TRAK2: variants seen among roughly 807,000 people sequenced by gnomAD.
The protein encoded by TRAK2 is trafficking kinesin-binding protein 2.
A neutral mutation model predicts 104.6 loss-of-function variants in TRAK2; 81 were observed. The observed-to-expected ratio is 0.77, with a 90% CI of 0.65 to 0.93. The LOEUF (loss-of-function observed/expected upper bound fraction) is 0.93, where lower values mean the gene tolerates loss of function less well. Among genes scored for constraint, TRAK2 ranks in the 40% least tolerant of loss-of-function variants. The pLI is 0.00. For synonymous variants in TRAK2, 406 were observed against 394.4 expected, an observed-to-expected ratio of 1.03 and a Z score of -0.35; for missense variants, 1,002 against 1,089.0, an observed-to-expected ratio of 0.92 and a Z score of 1.12.
intron 1 of TRAK2, among the ~76,000 whole-genome samples, chr2:201,433,945 C>T (rs1375790476): frequency 6.6e-6 from 1 of 151,924 alleles, no homozygotes; most frequent in Non-Finnish European, 1.5e-5. Context: ...CATCATGGGA[C>T]TGCCCTTCAT....
At chr2:201,395,913 T>C (rs1951497071) in intron 7 of TRAK2, among the ~76,000 whole-genome samples, 1 of 152,182 alleles carries the variant, frequency 6.6e-6, no homozygotes. Context: ...TCACAATCTA[T>C]AACAGAATGT....
rs547580910 is a variant in TRAK2, at chr2:201,413,502, A to G, written c.92-5905T>C. Among the ~76,000 whole-genome samples the G allele has an allele frequency of 3.3e-5, 5 of 152,124 alleles. No homozygotes were observed. In the South Asian group the frequency reaches 1.0e-3, roughly 32 times the overall value. ...ACTAAGGGAGGGGGGAAAAGACTGA[A>G]AGACCTATTGTCAGCTATTTTTATT... On this transcript the variant is annotated intron_variant, in intron 2 of 15. Coordinates refer to ENST00000332624, the MANE Select transcript of TRAK2 (RefSeq NM_015049.3).
rs1951518915 is a variant in TRAK2 at position 201,398,163 on chromosome 2, A to G, written c.672T>C (p.Asn224=). 6.2e-7 allele frequency: 1 copy of G among 1,613,632 alleles called. No homozygotes were observed. Among genetic ancestry groups the G allele is most frequent in the Non-Finnish European group, 8.5e-7 (1 of 1,179,602 alleles). The part of the protein sequence containing the change: ...QEKLKELEEE[N]MALRSKACHI... Reference sequence around the variant, plus strand: ...AACGTACCTTGGATCGAAGAGCCATATTCTCTTCTTCCAGTTCCTTGAGCT... The same window carrying G: ...AACGTACCTTGGATCGAAGAGCCATGTTCTCTTCTTCCAGTTCCTTGAGCT... Residue 224 remains asparagine (N), a synonymous_variant, in exon 6 of 16, where the codon AAT becomes AAC. Coordinates refer to ENST00000332624, the MANE Select transcript of TRAK2 (RefSeq NM_015049.3).
At chr2:201,422,307 TG>T (rs1235420525) in intron 1 of TRAK2, among the ~76,000 whole-genome samples, 1 of 152,106 alleles carries the variant, frequency 6.6e-6, no homozygotes, top group South Asian at 2.1e-4. Flanking sequence ...TTAATAACAG[TG>T]GAACATACAA....
At chr2:201,441,611 C>T (rs1951923868) in intron 1 of TRAK2, among the ~76,000 whole-genome samples, 2 of 151,416 alleles carry the variant, frequency 1.3e-5, no homozygotes, top group South Asian at 4.2e-4. Flanking sequence ...GTAGTAGCAT[C>T]TCAGAAGCAT....
At chr2:201,427,192 T>C (rs1380764797) in intron 1 of TRAK2, among the ~76,000 whole-genome samples, 2 of 152,218 alleles carry the variant, frequency 1.3e-5, no homozygotes, top group Non-Finnish European at 2.9e-5. Context: ...TATTTCTTTT[T>C]TATTAAGTTC....
intron 13 of TRAK2, 108 bp from the exon 14 acceptor site, chr2:201,386,592 A>G: frequency 7.3e-7 from 1 of 1,370,882 alleles, no homozygotes; most frequent in Non-Finnish European, 1.0e-6. Context: ...CAGCAATAAA[A>G]CTATTTATTT....
intron 1 of TRAK2, among the ~76,000 whole-genome samples, chr2:201,446,639 G>A (rs1951966276): frequency 6.6e-6 from 1 of 152,212 alleles, no homozygotes; most frequent in Non-Finnish European, 1.5e-5. Context: ...GACTGAGTTT[G>A]AATCTTAACT....
chr2:201,442,357 C>T (rs1185012455), intron 1 of TRAK2, among the ~76,000 whole-genome samples: 1 of 150,582 alleles, frequency 6.6e-6, no homozygotes, highest in African/African-American at 2.4e-5. Context: ...CACCACTGCA[C>T]TCCAGCCTGG....
chr2:201,446,908 T>C (rs1252826259), intron 1 of TRAK2, among the ~76,000 whole-genome samples: 1 of 152,242 alleles, frequency 6.6e-6, no homozygotes, highest in East Asian at 1.9e-4. Context: ...AGACAGCCTC[T>C]GGGTACAAAC....
At chr2:201,449,406 T>C (rs1951991777) in intron 1 of TRAK2, among the ~76,000 whole-genome samples, 1 of 151,912 alleles carries the variant, frequency 6.6e-6, no homozygotes, top group South Asian at 2.1e-4. Context: ...TTTGTTAAAG[T>C]GATTAAGTGA....
rs1559433612 is a variant in TRAK2, at chr2:201,377,829, A to G, written c.*2714T>C. The stretch of plus-strand genomic sequence containing the variant: ...GAAGATATTTCTCCTATTAGACAAT[A>G]GGACACTCAGAAATACCTGAGGTAT... On this transcript the variant is annotated 3_prime_UTR_variant, in exon 16 of 16. Transcript: ENST00000332624. 1 of 152,520 alleles carries G rather than the reference A, an allele frequency of 6.6e-6. No homozygotes were observed. Among genetic ancestry groups the G allele is most frequent in the Non-Finnish European group, 1.5e-5 (1 of 68,006 alleles). 9.4% of individuals were successfully genotyped at this position (152,520 alleles called of 1,614,324 possible).
At chr2:201,406,608 C>T (rs1296106797) in intron 3 of TRAK2, among the ~76,000 whole-genome samples, 2 of 152,202 alleles carry the variant, frequency 1.3e-5, no homozygotes, top group East Asian at 1.9e-4. Context: ...TGTCCAGGAT[C>T]TGATGCAATC....
chr2:201,423,025 GCAA>G (rs1951755570), intron 1 of TRAK2, among the ~76,000 whole-genome samples: 2 of 139,990 alleles, frequency 1.4e-5, no homozygotes, highest in African/African-American at 5.7e-5. Context: ...AATAACAACA[GCAA>G]CACCACCACC....
chr2:201,407,481 T>G lies in TRAK2; in HGVS notation c.208A>C (p.Thr70Pro). Residue 70 changes from threonine to proline, a missense_variant, in exon 3 of 16, where the codon ACT (threonine) becomes CCT (proline). Transcript: ENST00000332624. Reference protein sequence around the residue: ...TLFLYENQDWTQSPHQRQHAS... With the variant: ...TLFLYENQDWPQSPHQRQHAS... ...TGCTGCCGCTGGTGTGGAGACTGAG[T>G]CCAGTCTTGATTTTCATATAGAAAG... 1 of 1,613,834 alleles carries G rather than the reference T, an allele frequency of 6.2e-7. No individual in the cohort carries two copies. The highest frequency in any genetic ancestry group is 8.5e-7 in the Non-Finnish European group (1 of 1,179,814).
chr2:201,417,661 AC>A (rs1456471759), intron 2 of TRAK2, among the ~76,000 whole-genome samples: 2 of 152,222 alleles, frequency 1.3e-5, no homozygotes, highest in African/African-American at 4.8e-5. Flanking sequence ...GATTGGAAAT[AC>A]GTCAAGGATG....
At chr2:201,446,712 T>C (rs574804689) in intron 1 of TRAK2, among the ~76,000 whole-genome samples, 120 of 152,246 alleles carry the variant, frequency 7.9e-4, no homozygotes, top group Non-Finnish European at 1.5e-3. Flanking sequence ...TTCAGTATGT[T>C]TACGTTTAAA....
At chr2:201,445,328 C>CA (rs1469613487) in intron 1 of TRAK2, among the ~76,000 whole-genome samples, 1 of 152,086 alleles carries the variant, frequency 6.6e-6, no homozygotes, top group Admixed American at 6.5e-5. Context: ...GAACAGCTTT[C>CA]AACAAATGCC....
In TRAK2 at chr2:201,447,966, A is replaced by G. The variant is rs1210589161; in HGVS notation, c.-200+3384T>C. On this transcript the variant is annotated intron_variant, in intron 1 of 15. Coordinates refer to ENST00000332624, the MANE Select transcript of TRAK2 (RefSeq NM_015049.3). This position sits in a 1 kb window ranked among gnomAD's most constrained non-coding sequence, Gnocchi z 4.1. ...TTGTCTCTTTCCTTCTTCAAACTAC[A>G]TTCCTTAAGAGCAAAGACTAAATTC... 1.3e-5 allele frequency among the ~76,000 whole-genome samples: 2 copies of G among 152,186 alleles called. No homozygotes were observed. Among genetic ancestry groups the G allele is most frequent in the African/African-American group, 4.8e-5 (2 of 41,450 alleles).
Sources: gnomAD v4.1 joint callset for allele counts (sites outside exome capture counted in the v4.1 genomes callset) on GRCh38, gnomAD v4.1.1 for gene constraint, Gnocchi (gnomAD v3.1) non-coding constraint, MANE v1.5 for transcripts, NCBI Gene and HGNC (gene_info 2026-07-23, HGNC 2026-07-21) for gene names.